The following SCN9A variants were observed in gnomAD, a reference collection of about 807,000 sequenced individuals.
SCN9A encodes sodium channel protein type 9 subunit alpha.
A neutral mutation model predicts 187.0 loss-of-function variants in SCN9A; 131 were observed. The ratio of observed to expected loss-of-function variants is 0.70; its 90% confidence interval spans 0.61 to 0.81. The LOEUF (loss-of-function observed/expected upper bound fraction) is 0.81. SCN9A is among the 30% of genes least tolerant of loss of function. SCN9A has a pLI of 0.00. For synonymous variants in SCN9A, 809 were observed against 808.6 expected, an observed-to-expected ratio of 1.00 and a Z score of -0.01; for missense variants, 2,252 against 2,396.6, an observed-to-expected ratio of 0.94 and a Z score of 1.26.
intron 7 of SCN9A, among the ~76,000 whole-genome samples, chr2:166,295,708 T>C (rs1219100985): frequency 6.6e-6 from 1 of 152,268 alleles, no homozygotes; most frequent in Non-Finnish European, 1.5e-5. Flanking sequence ...GTGAGTAAAA[T>C]TTGTTTTCTA....
rs1698738037 is a variant in SCN9A, at chr2:166,305,859, A to T, written c.529T>A (p.Cys177Ser). 2.5e-6 allele frequency: 4 copies of T among 1,613,390 alleles called. No individual in the cohort carries two copies. The highest frequency in any genetic ancestry group is 3.4e-6 in the Non-Finnish European group (4 of 1,179,604). Residue 177 changes from cysteine (C) to serine (S), a missense_variant, in exon 5 of 27, where the codon TGT becomes AGT. Transcript: ENST00000642356. ...SLVKILARGF[C>S]VGEFTFLRDP... ...CGAAGAAAAGTGAATTCTCCTACAC[A>T]GAAGCCTCTTGCAAGGATTTTTACA...
intron 22 of SCN9A, 83 bp downstream of exon 22, chr2:166,228,608 T>C (rs2106387003): frequency 3.3e-6 from 4 of 1,226,878 alleles, no homozygotes; most frequent in Non-Finnish European, 4.5e-6. Context: ...CAATTTATAA[T>C]TAATATACTA....
chr2:166,275,559 G>A (rs1697196954), intron 16 of SCN9A, among the ~76,000 whole-genome samples: 1 of 149,488 alleles, frequency 6.7e-6, no homozygotes, highest in South Asian at 2.1e-4. Context: ...ACTCCAGCCT[G>A]GGCAACAAAG....
At chr2:166,300,215 A>G (rs1451298362) in intron 7 of SCN9A, among the ~76,000 whole-genome samples, 2 of 150,668 alleles carry the variant, frequency 1.3e-5, no homozygotes, top group Non-Finnish European at 2.9e-5. Flanking sequence ...TATGACCCCT[A>G]TTTTTTCTGC....
rs925358046 is a variant in SCN9A, at chr2:166,362,265, T to C, written c.-51+13432A>G. Among the ~76,000 whole-genome samples, 5 of 152,164 alleles carry C rather than the reference T, an allele frequency of 3.3e-5. No homozygotes were observed. In the East Asian group the frequency reaches 9.6e-4, roughly 29 times the overall value. ...TTGCAAACTAACATGTTCATAGATA[T>C]GACTTCCTGTGTTTCTTATTTCTCT... On this transcript the variant is annotated intron_variant, in intron 1 of 26. Coordinates refer to ENST00000642356, the MANE Select transcript of SCN9A (RefSeq NM_001365536.1).
At chr2:166,201,131 A>G (rs1049298287) in intron 26 of SCN9A, among the ~76,000 whole-genome samples, 4 of 151,064 alleles carry the variant, frequency 2.6e-5, no homozygotes, top group Admixed American at 1.3e-4. Context: ...GTACTTTTTA[A>G]TAATATGTTA....
intron 20 of SCN9A, among the ~76,000 whole-genome samples, chr2:166,236,252 A>T (rs1168550383): frequency 6.6e-6 from 1 of 152,160 alleles, no homozygotes; most frequent in Admixed American, 6.5e-5. Flanking sequence ...ATTGAAAAAT[A>T]GCAAGAAATC....
At chr2:166,361,017 A>G (rs762726532) in intron 1 of SCN9A, among the ~76,000 whole-genome samples, 1 of 152,210 alleles carries the variant, frequency 6.6e-6, no homozygotes, top group Non-Finnish European at 1.5e-5. Flanking sequence ...GCATGGGTTC[A>G]CATCCCATCT....
chr2:166,351,842 C>T (rs554092522), intron 1 of SCN9A, among the ~76,000 whole-genome samples: 198 of 152,116 alleles, frequency 1.3e-3, no homozygotes, highest in Non-Finnish European at 1.6e-3. Context: ...TAAATAATTA[C>T]CATGAAGCTC....
At position 166,199,394 on chromosome 2, in the gene SCN9A, G is replaced by C. The variant is rs200636760; in HGVS notation, c.5245C>G (p.Leu1749Val). Residue 1749 changes from leucine to valine, a missense_variant, in exon 27 of 27, where the codon CTG (leucine) becomes GTG (valine). Physicochemically the swap from Leu to Val is conservative, Grantham distance 32. Around this residue, in one of 7 missense-constraint regions of SCN9A, gnomAD observed 345 missense variants for 344.6 expected, o/e 1.00. Transcript: ENST00000642356. ...YFVSYIIISF[L>V]VVVNMYIAVI... is the part of the protein sequence containing the mutation. Reference sequence around the variant, plus strand: ...GCAATGTACATGTTCACCACAACCAGGAAGGATATGATGATATAACTAACA... The same window carrying C: ...GCAATGTACATGTTCACCACAACCACGAAGGATATGATGATATAACTAACA... 4 of 1,614,112 alleles carry C rather than the reference G, an allele frequency of 2.5e-6. No individual in the cohort carries two copies. Among genetic ancestry groups the C allele is most frequent in the African/African-American group, 1.3e-5 (1 of 75,014 alleles).
Position 166,367,565 on chromosome 2 carries a change from C to A in SCN9A, c.-51+8132G>T, listed in dbSNP as rs139848912. 4.4e-3 allele frequency among the ~76,000 whole-genome samples: 665 copies of A among 152,108 alleles called. 8 individuals carry two copies. The highest frequency in any genetic ancestry group is 0.015 in the African/African-American group (637 of 41,538). ...CGGGCGTAAGCCACCGCGCCTGGCCCACCCTAGACATTTTATACATATTTC... is the reference window on the plus strand; with the variant it reads ...CGGGCGTAAGCCACCGCGCCTGGCCAACCCTAGACATTTTATACATATTTC... On this transcript the variant is annotated intron_variant, in intron 1 of 26. Coordinates refer to ENST00000642356, the MANE Select transcript of SCN9A (RefSeq NM_001365536.1).
At chr2:166,325,398 A>T (rs1699338568) in intron 1 of SCN9A, among the ~76,000 whole-genome samples, 1 of 152,154 alleles carries the variant, frequency 6.6e-6, no homozygotes, top group Non-Finnish European at 1.5e-5. Flanking sequence ...TAAAGTAATC[A>T]TGCCTGGGAG....
intron 2 of SCN9A, among the ~76,000 whole-genome samples, chr2:166,309,431 A>T (rs1457327805): frequency 1.3e-5 from 2 of 152,208 alleles, no homozygotes; most frequent in Non-Finnish European, 2.9e-5. Context: ...ATGTCCAAAA[A>T]TGTTATGCTA....
intron 1 of SCN9A, among the ~76,000 whole-genome samples, chr2:166,346,649 A>G (rs1348373793): frequency 6.6e-6 from 1 of 152,142 alleles, no homozygotes; most frequent in African/African-American, 2.4e-5. Context: ...TTAGTGACCT[A>G]AGGGACTGCA....
intron 7 of SCN9A, among the ~76,000 whole-genome samples, chr2:166,299,519 C>T (rs561315103): frequency 6.6e-6 from 1 of 151,008 alleles, no homozygotes; most frequent in Non-Finnish European, 1.5e-5. Context: ...TTATTTATAT[C>T]TTTGCTTCTT....
chr2:166,281,839 A>G (rs1333981165), intron 12 of SCN9A, 31 bp from the exon 13 acceptor site: 3 of 1,583,100 alleles, frequency 1.9e-6, no homozygotes, highest in African/African-American at 2.7e-5. Flanking sequence ...TGTCTTAAGA[A>G]CAGAATCCTA....
intron 24 of SCN9A, among the ~76,000 whole-genome samples, chr2:166,222,711 T>A (rs1694642709): frequency 7.0e-6 from 1 of 142,818 alleles, no homozygotes; most frequent in South Asian, 2.1e-4. Flanking sequence ...GACGGGCGGA[T>A]CACGAGGTCA....
At chr2:166,350,636 T>C (rs532994198) in intron 1 of SCN9A, among the ~76,000 whole-genome samples, 1 of 152,332 alleles carries the variant, frequency 6.6e-6, no homozygotes, top group South Asian at 2.1e-4. Context: ...TAGAATTTTG[T>C]CTGTAAATAA....
At chr2:166,366,381 C>A (rs72884798) in intron 1 of SCN9A, among the ~76,000 whole-genome samples, 9,483 of 152,134 alleles carry the variant, frequency 0.062, 417 homozygotes, top group African/African-American at 0.12. Context: ...AGATAATATT[C>A]TATTTTATAT....
Sources: gnomAD v4.1 joint callset for allele counts (sites outside exome capture counted in the v4.1 genomes callset) on GRCh38, gnomAD v4.1.1 for gene constraint, gnomAD v4.1.1 regional missense constraint, MANE v1.5 for transcripts, NCBI Gene and HGNC (gene_info 2026-07-23, HGNC 2026-07-21) for gene names.